The following GRIA2 variants were observed in gnomAD, a reference collection of about 807,000 sequenced individuals.
GRIA2 encodes glutamate receptor 2.
In GRIA2, 14 loss-of-function variants were observed where a neutral mutation model predicts 97.3. The observed-to-expected ratio is 0.14, with a 90% CI of 0.10 to 0.23. The LOEUF (loss-of-function observed/expected upper bound fraction) is 0.23. Ranked by LOEUF, GRIA2 falls within the 10% of genes least tolerant of loss-of-function variation. The pLI, the probability that GRIA2 is intolerant of heterozygous loss-of-function variation, is 1.00. For missense variants in GRIA2, 558 were observed against 1,069.8 expected (o/e 0.52, Z 6.67); for synonymous variants, 412 against 387.8 (o/e 1.06, Z -0.73).
intron 4 of GRIA2, among the ~76,000 whole-genome samples, chr4:157,314,927 C>T (rs1476375854): frequency 6.6e-6 from 1 of 152,150 alleles, no homozygotes; most frequent in Non-Finnish European, 1.5e-5. Context: ...CCCATGAACT[C>T]ATTGCTTAGA....
At chr4:157,312,586 C>A in intron 3 of GRIA2, 93 bp from the exon 4 acceptor site, 1 of 675,724 alleles carries the variant, frequency 1.5e-6, no homozygotes, top group Non-Finnish European at 2.4e-6. Flanking sequence ...ACAAATATAT[C>A]TTCCTTAAAA....
intron 2 of GRIA2, among the ~76,000 whole-genome samples, chr4:157,296,177 T>C (rs1733340266): frequency 6.6e-6 from 1 of 152,178 alleles, no homozygotes; most frequent in African/African-American, 2.4e-5. Flanking sequence ...TTCTAAATAT[T>C]ATATTTTCAT....
intron 12 of GRIA2, among the ~76,000 whole-genome samples, chr4:157,351,539 G>A (rs1436917864): frequency 6.6e-6 from 1 of 152,088 alleles, no homozygotes; most frequent in Non-Finnish European, 1.5e-5. Flanking sequence ...TGTTTTTTAA[G>A]CATAAAAATT....
At position 157,303,691 on chromosome 4, in the gene GRIA2, A is replaced by C. The variant is rs781577766; in HGVS notation, c.369A>C (p.Pro123=). The C allele has an allele frequency of 6.2e-7, 1 of 1,614,036 alleles. No homozygotes were observed. The highest frequency in any genetic ancestry group is 2.2e-5 in the East Asian group (1 of 44,868). Residue 123 remains proline, a synonymous_variant, in exon 3 of 16, where the codon CCA becomes CCC. Coordinates refer to ENST00000264426, the MANE Select transcript of GRIA2 (RefSeq NM_001083619.3). ...TPSFPTDGTH[P]FVIQMRPDLK... The stretch of plus-strand genomic sequence containing the variant: ...GCTTCCCAACAGATGGCACACATCC[A>C]TTTGTCATTCAGATGAGACCCGACC...
chr4:157,259,812 CT>C (rs1449584040), intron 2 of GRIA2, among the ~76,000 whole-genome samples: 3 of 152,006 alleles, frequency 2.0e-5, no homozygotes, highest in Non-Finnish European at 4.4e-5. Context: ...TTTAAAATTC[CT>C]TATAACTCAC....
At position 157,221,765 on chromosome 4, in the gene GRIA2, G is replaced by C. The variant is rs1358138730; in HGVS notation, c.187G>C (p.Asp63His). 1 of 1,613,832 alleles carries C rather than the reference G, an allele frequency of 6.2e-7. No homozygotes were observed. The highest frequency in any genetic ancestry group is 8.5e-7 in the Non-Finnish European group (1 of 1,179,714). Residue 63 changes from aspartate to histidine, a missense_variant, in exon 2 of 16, where the codon GAC (aspartate) becomes CAC (histidine). Around this residue, in one of 8 missense-constraint regions of GRIA2, gnomAD observed 96 missense variants for 176.6 expected, o/e 0.54. Coordinates refer to ENST00000264426, the MANE Select transcript of GRIA2 (RefSeq NM_001083619.3). ...GGAGTTCAGACTGACACCCCACATC[G>C]ACAATTTGGAGGTGGCAAACAGCTT... ...TSEFRLTPHI[D>H]NLEVANSFAV...
At chr4:157,332,442 GT>G (rs1473265143) in intron 6 of GRIA2, among the ~76,000 whole-genome samples, 1 of 151,570 alleles carries the variant, frequency 6.6e-6, no homozygotes, top group East Asian at 1.9e-4. Context: ...TCATTGGACT[GT>G]AAAGAAATAT....
intron 11 of GRIA2, among the ~76,000 whole-genome samples, chr4:157,337,143 T>A (rs1019970873): frequency 6.6e-6 from 1 of 152,232 alleles, no homozygotes; most frequent in South Asian, 2.1e-4. Flanking sequence ...CCTTGTTAGA[T>A]AAAACTTCGT....
At chr4:157,226,685 T>C (rs994698924) in intron 2 of GRIA2, among the ~76,000 whole-genome samples, 4 of 152,092 alleles carry the variant, frequency 2.6e-5, no homozygotes, top group Non-Finnish European at 5.9e-5. Flanking sequence ...TAGTTACAAT[T>C]ATAGAGTGTA....
chr4:157,356,216 T>TATATATTTATAG (rs1560781863), intron 12 of GRIA2, among the ~76,000 whole-genome samples: 2 of 89,008 alleles, frequency 2.2e-5, no homozygotes, highest in African/African-American at 3.3e-5. Flanking sequence ...TATATTTATA[T>TATATATTTATAG]AGAGAGAGAG....
At chr4:157,280,973 A>C (rs906577283) in intron 2 of GRIA2, among the ~76,000 whole-genome samples, 6 of 151,886 alleles carry the variant, frequency 4.0e-5, no homozygotes, top group African/African-American at 1.5e-4. Flanking sequence ...CATTCAATTA[A>C]CAGTCTCAAA....
chr4:157,231,227 T>C (rs1730002250), intron 2 of GRIA2, among the ~76,000 whole-genome samples: 1 of 152,080 alleles, frequency 6.6e-6, no homozygotes, highest in South Asian at 2.1e-4. Flanking sequence ...TTAGTAGAGA[T>C]GGGGTTTCAC....
chr4:157,287,058 C>T (rs4538538), intron 2 of GRIA2, among the ~76,000 whole-genome samples: 49,058 of 151,290 alleles, frequency 0.32, 8,387 homozygotes, highest in African/African-American at 0.43. Context: ...CTGGAAACAA[C>T]TCCAATCTGT....
At chr4:157,355,802 A>ATT (rs1736260752) in intron 12 of GRIA2, among the ~76,000 whole-genome samples, 3 of 94,580 alleles carry the variant, frequency 3.2e-5, no homozygotes, top group African/African-American at 1.2e-4. Context: ...AGTTATATAT[A>ATT]TTTATATATT....
intron 2 of GRIA2, among the ~76,000 whole-genome samples, chr4:157,301,938 G>A (rs1398947972): frequency 6.6e-6 from 1 of 152,004 alleles, no homozygotes; most frequent in South Asian, 2.1e-4. Context: ...ACTTTGGGAG[G>A]CCGAGGCTGG....
chr4:157,288,015 T>C (rs1204646505), intron 2 of GRIA2, among the ~76,000 whole-genome samples: 1 of 151,754 alleles, frequency 6.6e-6, no homozygotes, highest in Non-Finnish European at 1.5e-5. Context: ...AAAGTGAACC[T>C]AGTGTGCTGT....
chr4:157,362,463 T>C (rs975630821), intron 14 of GRIA2: 3 of 474,990 alleles, frequency 6.3e-6, no homozygotes, highest in East Asian at 6.4e-5. Context: ...GAAACTGTCT[T>C]GTACCTTCAA....
intron 2 of GRIA2, among the ~76,000 whole-genome samples, chr4:157,237,686 A>T (rs372544999): frequency 7.0e-4 from 106 of 152,256 alleles, no homozygotes; most frequent in African/African-American, 2.4e-3. Context: ...AAGCAAAGAG[A>T]TGTAAAGTCA....
At chr4:157,285,522 A>G (rs1732797667) in intron 2 of GRIA2, among the ~76,000 whole-genome samples, 1 of 150,656 alleles carries the variant, frequency 6.6e-6, no homozygotes, top group African/African-American at 2.4e-5. Context: ...AAAAGTTTTT[A>G]TTTTTAGATT....
Sources: allele counts gnomAD v4.1 joint callset (sites outside exome capture counted in the v4.1 genomes callset), GRCh38; gene constraint gnomAD v4.1.1; regional missense constraint gnomAD v4.1.1; transcripts MANE v1.5; gene names NCBI Gene and HGNC (gene_info 2026-07-23, HGNC 2026-07-21).